Variants in REDIC1 observed in about 807,000 individuals in gnomAD.
REDIC1 encodes the protein regulator of DNA class I crossover intermediates 1.
chr12:39,701,227 A>G, the REDIC1 span, among the ~76,000 whole-genome samples: 5 of 152,166 alleles, frequency 3.3e-5, no homozygotes, highest in Non-Finnish European at 7.4e-5. Context: ...GCTCAAAATA[A>G]AAGGATGGAG....
At chr12:39,817,758 G>T in the REDIC1 span, among the ~76,000 whole-genome samples, 1 of 152,202 alleles carries the variant, frequency 6.6e-6, no homozygotes, top group East Asian at 1.9e-4. Context: ...AAATCTATGA[G>T]AAAAACTCAA....
the REDIC1 span, among the ~76,000 whole-genome samples, chr12:39,800,171 G>A: frequency 6.6e-6 from 1 of 152,090 alleles, no homozygotes; most frequent in Non-Finnish European, 1.5e-5. Flanking sequence ...TTAAATCCTT[G>A]GCATTTTTGC....
chr12:39,797,756 A>G, the REDIC1 span, among the ~76,000 whole-genome samples: 3 of 152,072 alleles, frequency 2.0e-5, no homozygotes, highest in Non-Finnish European at 4.4e-5. Flanking sequence ...ACACACACAC[A>G]CACACACACA....
the REDIC1 span, among the ~76,000 whole-genome samples, chr12:39,900,251 A>C: frequency 3.9e-5 from 6 of 152,068 alleles, no homozygotes; most frequent in African/African-American, 1.4e-4. Flanking sequence ...ATGGGCAAAA[A>C]CTGGAAGCAT....
At chr12:39,752,496 C>G in the REDIC1 span, among the ~76,000 whole-genome samples, 1 of 152,126 alleles carries the variant, frequency 6.6e-6, no homozygotes, top group Non-Finnish European at 1.5e-5. Context: ...TTGAGGACCG[C>G]TGTTCTGGTG....
At chr12:39,906,284 A>G in the REDIC1 span, among the ~76,000 whole-genome samples, 1 of 152,168 alleles carries the variant, frequency 6.6e-6, no homozygotes, top group South Asian at 2.1e-4. Context: ...AATTATTACC[A>G]AATCACTGTG....
At chr12:39,850,922 T>C in the REDIC1 span, among the ~76,000 whole-genome samples, 2 of 151,738 alleles carry the variant, frequency 1.3e-5, no homozygotes, top group Non-Finnish European at 2.9e-5. Context: ...TTTTTTGAGA[T>C]GGAGTCTTGC....
chr12:39,773,638 C>T, the REDIC1 span, among the ~76,000 whole-genome samples: 1 of 152,166 alleles, frequency 6.6e-6, no homozygotes, highest in African/African-American at 2.4e-5. Flanking sequence ...GTAGTATATT[C>T]CTTGCTTCCT....
At chr12:39,739,851 T>C in the REDIC1 span, among the ~76,000 whole-genome samples, 4 of 152,338 alleles carry the variant, frequency 2.6e-5, no homozygotes, top group South Asian at 8.3e-4. Context: ...GCCCATAAAA[T>C]GTAGCAGATG....
the REDIC1 span, among the ~76,000 whole-genome samples, chr12:39,710,844 G>A: frequency 1.3e-5 from 2 of 151,248 alleles, no homozygotes; most frequent in South Asian, 2.1e-4. Context: ...AACTATCACA[G>A]TGCCTTACAT....
At chr12:39,648,275 T>TTA in the REDIC1 span, among the ~76,000 whole-genome samples, 2 of 151,970 alleles carry the variant, frequency 1.3e-5, no homozygotes, top group Admixed American at 6.6e-5. Context: ...TAGTTGAAGT[T>TTA]TATAATCACT....
chr12:39,883,399 G>T, the REDIC1 span, among the ~76,000 whole-genome samples: 1 of 152,134 alleles, frequency 6.6e-6, no homozygotes, highest in African/African-American at 2.4e-5. Flanking sequence ...GACTACATAT[G>T]ACTTGGGAGC....
the REDIC1 span, among the ~76,000 whole-genome samples, chr12:39,809,086 A>C: frequency 1.3e-5 from 2 of 152,124 alleles, no homozygotes; most frequent in South Asian, 4.1e-4. Context: ...TTTTGTGTTT[A>C]GGGTGTAAGA....
chr12:39,804,650 C>T, the REDIC1 span, among the ~76,000 whole-genome samples: 3 of 152,086 alleles, frequency 2.0e-5, no homozygotes, highest in African/African-American at 7.2e-5. Flanking sequence ...TTCTAGGCTC[C>T]CACACACTGT....
chr12:39,810,393 CATTT>C, the REDIC1 span, among the ~76,000 whole-genome samples: 8 of 152,148 alleles, frequency 5.3e-5, no homozygotes, highest in South Asian at 1.0e-3. Context: ...TTGTTACATT[CATTT>C]ATTTATTCTC....
the REDIC1 span, among the ~76,000 whole-genome samples, chr12:39,696,121 A>G: frequency 1.3e-5 from 2 of 152,134 alleles, no homozygotes; most frequent in Non-Finnish European, 2.9e-5. Flanking sequence ...AAGCATTCCC[A>G]AGATGGATGA....
At chr12:39,701,062 A>G in the REDIC1 span, among the ~76,000 whole-genome samples, 3 of 151,560 alleles carry the variant, frequency 2.0e-5, no homozygotes, top group South Asian at 6.3e-4. Flanking sequence ...CATCATAATG[A>G]CAGGATCAAA....
the REDIC1 span, among the ~76,000 whole-genome samples, chr12:39,660,084 T>C: frequency 6.6e-6 from 1 of 152,302 alleles, no homozygotes; most frequent in Admixed American, 6.5e-5. Flanking sequence ...GAATCAAAAT[T>C]TTCCCCCCTA....
the REDIC1 span, among the ~76,000 whole-genome samples, chr12:39,664,942 T>G: frequency 9.2e-5 from 14 of 152,012 alleles, no homozygotes; most frequent in African/African-American, 2.7e-4. Context: ...TTGTAAATTT[T>G]TTGGAGTTCA....
Sources: allele counts gnomAD v4.1 joint callset (sites outside exome capture counted in the v4.1 genomes callset), GRCh38; gene constraint gnomAD v4.1.1; transcripts MANE v1.5; gene names NCBI Gene and HGNC (gene_info 2026-07-23, HGNC 2026-07-21).